The following FCHSD1 variants were observed in gnomAD, a reference collection of about 807,000 sequenced individuals.
FCHSD1 encodes the protein FCH and double SH3 domains 1, also known as F-BAR and double SH3 domains protein 1.
FCHSD1 carries 109 observed loss-of-function variants against 101.3 expected under a neutral mutation model. The ratio of observed to expected loss-of-function variants is 1.08; its 90% confidence interval spans 0.92 to 1.26. The LOEUF (loss-of-function observed/expected upper bound fraction) is 1.26. FCHSD1 is among the 50% of genes most tolerant of loss of function. The probability of loss-of-function intolerance (pLI) is 0.00; values close to 1 mark genes in which losing one functional copy is unlikely to be tolerated. For missense variants in FCHSD1, 820 were observed against 895.8 expected, an observed-to-expected ratio of 0.92 and a Z score of 1.08; for synonymous variants, 291 against 356.8, an observed-to-expected ratio of 0.82 and a Z score of 2.08.
rs1488962794 is a variant in FCHSD1 at position 141,649,979 on chromosome 5, C to G, written c.166-25G>C. 4.6e-6 allele frequency: 7 copies of G among 1,526,978 alleles called. No homozygotes were observed. In the African/African-American group the frequency reaches 9.8e-5, roughly 21 times the overall value. The allele number at this position is 1,526,978 out of a possible 1,614,324, so 94.6% of individuals were successfully genotyped here. A position where few individuals can be genotyped will look rare whatever the true frequency, so the allele number is the denominator to read the frequency against. On this transcript the variant is annotated intron_variant, in intron 3 of 19. Coordinates refer to ENST00000435817, the MANE Select transcript of FCHSD1 (RefSeq NM_033449.3). The surrounding 1 kb of genome is among the most constrained non-coding windows in gnomAD (Gnocchi z 4.1). ...CCTGGTGAAAAAGCCATCACAGAAC[C>G]AAGTTCCCTTTCAAAGACCCACCCC...
Position 141,651,411 on chromosome 5 carries a change from G to C in FCHSD1, c.-43C>G. On this transcript the variant is annotated 5_prime_UTR_variant, in exon 1 of 20. Coordinates refer to ENST00000435817, the MANE Select transcript of FCHSD1 (RefSeq NM_033449.3). ...GGTCAGCCACTGGACTCCGGAACTG[G>C]AGGAAGCCCCGCCCACTATGGAGCC... The C allele has an allele frequency of 1.9e-6, 3 of 1,550,162 alleles. No homozygotes were observed. Among genetic ancestry groups the C allele is most frequent in the Non-Finnish European group, 2.6e-6 (3 of 1,146,710 alleles).
In FCHSD1 at chr5:141,640,914, G is replaced by A; in HGVS notation, c.*584C>T. On this transcript the variant is annotated 3_prime_UTR_variant, in exon 20 of 20. Coordinates refer to ENST00000435817, the MANE Select transcript of FCHSD1 (RefSeq NM_033449.3). Reference sequence around the variant, plus strand: ...CCCCAACACCTCGCTCCATATGATAGAGCGTGGCAGCTGGGAGCAGGCCCC... The same window carrying A: ...CCCCAACACCTCGCTCCATATGATAAAGCGTGGCAGCTGGGAGCAGGCCCC... The A allele has an allele frequency of 1.8e-6, 1 of 543,644 alleles. No homozygotes were observed. Among genetic ancestry groups the A allele is most frequent in the South Asian group, 2.8e-5 (1 of 35,734 alleles). The allele number at this position is 543,644 out of a possible 1,614,324, so 33.7% of individuals were successfully genotyped here.
At position 141,649,973 on chromosome 5, in the gene FCHSD1, C is replaced by T. The variant is rs367880828; in HGVS notation, c.166-19G>A. The T allele has an allele frequency of 2.0e-6, 3 of 1,535,618 alleles. No homozygotes were observed. Among genetic ancestry groups the T allele is most frequent in the Non-Finnish European group, 2.6e-6 (3 of 1,142,708 alleles). ...GGAGTGCCTGGTGAAAAAGCCATCA[C>T]AGAACCAAGTTCCCTTTCAAAGACC... On this transcript the variant is annotated intron_variant, in intron 3 of 19. Coordinates refer to ENST00000435817, the MANE Select transcript of FCHSD1 (RefSeq NM_033449.3). The surrounding 1 kb of genome is among the most constrained non-coding windows in gnomAD (Gnocchi z 4.1).
In FCHSD1 at chr5:141,639,738, C is replaced by T; in HGVS notation, c.*1760G>A. On this transcript the variant is annotated 3_prime_UTR_variant, in exon 20 of 20. Coordinates refer to ENST00000435817, the MANE Select transcript of FCHSD1 (RefSeq NM_033449.3). The surrounding 1 kb of genome is among the most constrained non-coding windows in gnomAD (Gnocchi z 4.4). ...CCCAAAAGTGGGCCTTGGCTCTTTC[C>T]TCCTGGACTGGGAGCTCCGGCAGAA... 1 of 1,388,200 alleles carries T rather than the reference C, an allele frequency of 7.2e-7. No homozygotes were observed. The highest frequency in any genetic ancestry group is 9.9e-7 in the Non-Finnish European group (1 of 1,009,710). 86.0% of individuals were successfully genotyped at this position (1,388,200 alleles called of 1,614,324 possible).
rs1038793154 is a variant in FCHSD1 at position 141,644,219 on chromosome 5, T to C, written c.1862A>G (p.Gln621Arg). 6.2e-7 allele frequency: 1 copy of C among 1,609,692 alleles called. No homozygotes were observed. Among genetic ancestry groups the C allele is most frequent in the South Asian group, 1.1e-5 (1 of 90,328 alleles). Residue 621 changes from glutamine to arginine, a missense_variant and splice_region_variant, in exon 17 of 20, where the codon CAG (glutamine) becomes CGG (arginine). Transcript: ENST00000435817. ...GTTCAGGGAGAAGGTAAGCCTCACC[T>C]GTTCAGGGTCAGAGAGTTCAGGTGG... ...PGPPELSDPE[Q>R]MLPSPSPPSF...
intron 18 of FCHSD1, chr5:141,642,519 A>G (rs1288794005): frequency 1.8e-6 from 1 of 543,834 alleles, no homozygotes; most frequent in Admixed American, 3.6e-5. Flanking sequence ...ATAAATAATA[A>G]AATAAAACTG....
chr5:141,651,199 C>T, intron 1 of FCHSD1, 82 bp from the exon 2 acceptor site: 5 of 1,488,058 alleles, frequency 3.4e-6, no homozygotes, highest in Middle Eastern at 3.4e-4. Flanking sequence ...GGGGGCGGGG[C>T]CGGGGGGGTG....
At position 141,640,631 on chromosome 5, in the gene FCHSD1, T is replaced by C. The variant is rs576935504; in HGVS notation, c.*867A>G. 2 of 1,539,166 alleles carry C rather than the reference T, an allele frequency of 1.3e-6. No individual in the cohort carries two copies. The highest frequency in any genetic ancestry group is 1.4e-5 in the African/African-American group (1 of 73,014). On this transcript the variant is annotated 3_prime_UTR_variant, in exon 20 of 20. Transcript: ENST00000435817. ...CCCAGGGGAAAAGCTGGACACAGCT[T>C]GAACAGGAAGCAACAGTGTTATTCT...
rs781250282 is a variant in FCHSD1, at chr5:141,640,009, G to T, written c.*1489C>A. 5 of 1,613,486 alleles carry T rather than the reference G, an allele frequency of 3.1e-6. No homozygotes were observed. The highest frequency in any genetic ancestry group is 3.3e-5 in the Admixed American group (2 of 60,002). On this transcript the variant is annotated 3_prime_UTR_variant, in exon 20 of 20. Transcript: ENST00000435817. ...GACAGGAGCTGGGGCTCTGGTGGGGGACAGGACCCAGGGGGTGGTCAGGGG... is the reference window on the plus strand; with the variant it reads ...GACAGGAGCTGGGGCTCTGGTGGGGTACAGGACCCAGGGGGTGGTCAGGGG...
intron 18 of FCHSD1, chr5:141,642,434 C>T: frequency 2.9e-6 from 2 of 690,098 alleles, no homozygotes; most frequent in South Asian, 1.5e-5. Flanking sequence ...GTTACAGGTA[C>T]ACTAGAAGCC....
chr5:141,641,371 G>T lies in FCHSD1; in HGVS notation c.*127C>A. 3.6e-6 allele frequency: 3 copies of T among 828,050 alleles called. No individual in the cohort carries two copies. The highest frequency in any genetic ancestry group is 5.3e-6 in the Non-Finnish European group (3 of 562,762). 51.3% of individuals were successfully genotyped at this position (828,050 alleles called of 1,614,324 possible). ...TGGGAAGGGGCAAGTTTCCACCCTTGGAGGTGAGGGTGGAAATAAGGGCGA... is the reference window on the plus strand; with the variant it reads ...TGGGAAGGGGCAAGTTTCCACCCTTTGAGGTGAGGGTGGAAATAAGGGCGA... On this transcript the variant is annotated 3_prime_UTR_variant, in exon 20 of 20. Transcript: ENST00000435817.
At position 141,641,276 on chromosome 5, in the gene FCHSD1, G is replaced by C. The variant is rs1298993675; in HGVS notation, c.*222C>G. On this transcript the variant is annotated 3_prime_UTR_variant, in exon 20 of 20. Transcript: ENST00000435817. ...CACCCTAGATAGGGTCATGACAGAA[G>C]AGAAGGTAGTTCCGGTCCTAGAGAT... 1.1e-5 allele frequency: 5 copies of C among 450,084 alleles called. No homozygotes were observed. The highest frequency in any genetic ancestry group is 1.9e-5 in the Non-Finnish European group (5 of 258,194). The allele number at this position is 450,084 out of a possible 1,614,324, so 27.9% of individuals were successfully genotyped here. A position where few individuals can be genotyped will look rare whatever the true frequency, so the allele number is the denominator to read the frequency against.
rs1388025463 is a variant in FCHSD1 at position 141,647,464 on chromosome 5, G to T, written c.762C>A (p.His254Gln). 5 of 1,612,000 alleles carry T rather than the reference G, an allele frequency of 3.1e-6. No individual in the cohort carries two copies. The highest frequency in any genetic ancestry group is 1.3e-5 in the African/African-American group (1 of 74,766). Residue 254 changes from histidine to glutamine, a missense_variant, in exon 9 of 20, where the codon CAC (histidine) becomes CAA (glutamine). Transcript: ENST00000435817. ...TGACCTCTGCGGCTTCCAGCTCAGTGTGGCTCAGGGAGGTCAGGGGGTCCC... is the reference window on the plus strand; with the variant it reads ...TGACCTCTGCGGCTTCCAGCTCAGTTTGGCTCAGGGAGGTCAGGGGGTCCC... ...HLRDPLTSLSHTELEAAEVIL... is the reference protein window; with the variant it reads ...HLRDPLTSLSQTELEAAEVIL...
At chr5:141,648,480 C>T in intron 7 of FCHSD1, among the ~76,000 whole-genome samples, 1 of 151,966 alleles carries the variant, frequency 6.6e-6, no homozygotes, top group East Asian at 1.9e-4. Context: ...CTTCTCTCTG[C>T]AATGTTCTTC....
rs60039240 is a variant in FCHSD1, at chr5:141,649,609, C to G, written c.234-73G>C. ...ATGAGACCACCCCCACCCCCTGCCC[C>G]CTGACCAACACCATGGGAGACAGAG... On this transcript the variant is annotated intron_variant, in intron 4 of 19. Coordinates refer to ENST00000435817, the MANE Select transcript of FCHSD1 (RefSeq NM_033449.3). This position sits in a 1 kb window ranked among gnomAD's most constrained non-coding sequence, Gnocchi z 4.1. 501 of 1,534,582 alleles carry G rather than the reference C, an allele frequency of 3.3e-4. 4 individuals carry two copies. The African/African-American group carries it at 5.9e-3, about 18-fold the overall frequency.
In FCHSD1 at chr5:141,649,324, C is replaced by T. The variant is rs200950841; in HGVS notation, c.376-16G>A. The T allele has an allele frequency of 2.2e-4, 358 of 1,614,012 alleles. No homozygotes were observed. The highest frequency in any genetic ancestry group is 3.5e-4 in the South Asian group (32 of 91,090). ...TCTCTGTTCCCTATTGGGATGCATA[C>T]ACAAAGTCCTTACCTAGACCACCTT... is the stretch of plus-strand genomic sequence containing the variant. On this transcript the variant is annotated splice_polypyrimidine_tract_variant and intron_variant, in intron 5 of 19. Transcript: ENST00000435817. This position sits in a 1 kb window ranked among gnomAD's most constrained non-coding sequence, Gnocchi z 4.1.
At chr5:141,648,643 T>C (rs1477676766) in intron 7 of FCHSD1, among the ~76,000 whole-genome samples, 3 of 152,206 alleles carry the variant, frequency 2.0e-5, no homozygotes, top group Admixed American at 2.0e-4. Flanking sequence ...TCTGTCTCTC[T>C]TAACCAGACT....
At chr5:141,642,915 G>A in intron 18 of FCHSD1, 86 bp downstream of exon 18, 1 of 1,356,840 alleles carries the variant, frequency 7.4e-7, no homozygotes, top group South Asian at 1.3e-5. Context: ...AAGGCACGGA[G>A]AGGACCAGAG....
At chr5:141,646,022 G>A in intron 12 of FCHSD1, 65 bp downstream of exon 12, 1 of 1,548,658 alleles carries the variant, frequency 6.5e-7, no homozygotes, top group Non-Finnish European at 8.7e-7. Context: ...CCATCAGAAA[G>A]AGGAGTAGAG....
Sources: gnomAD v4.1 joint callset for allele counts (sites outside exome capture counted in the v4.1 genomes callset) on GRCh38, gnomAD v4.1.1 for gene constraint, Gnocchi (gnomAD v3.1) non-coding constraint, MANE v1.5 for transcripts, NCBI Gene and HGNC (gene_info 2026-07-23, HGNC 2026-07-21) for gene names.